Variants in COBL observed in about 807,000 individuals in gnomAD.
The protein encoded by COBL is protein cordon-bleu.
COBL carries 51 observed loss-of-function variants against 98.8 expected under a neutral mutation model. The ratio of observed to expected loss-of-function variants is 0.52; its 90% CI spans 0.41 to 0.65. The LOEUF is 0.65. Ranked by LOEUF, COBL falls within the 30% of genes least tolerant of loss-of-function variation. The probability of loss-of-function intolerance (pLI) is 0.00; values close to 1 mark genes in which losing one functional copy is unlikely to be tolerated. For missense variants in COBL, 1,617 were observed against 1,617.5 expected, an observed-to-expected ratio of 1.00 and a Z score of 0.01; for synonymous variants, 634 against 651.7, an observed-to-expected ratio of 0.97 and a Z score of 0.41.
intron 4 of COBL, among the ~76,000 whole-genome samples, chr7:51,188,116 TCTCAGGGCCACA>T (rs1228141293): frequency 6.6e-6 from 1 of 152,218 alleles, no homozygotes; most frequent in East Asian, 1.9e-4. Context: ...GGGCTGGCCC[TCTCAGGGCCACA>T]GCTGCATAGC....
chr7:51,241,576 A>G (rs755088242), intron 1 of COBL, among the ~76,000 whole-genome samples: 1 of 152,218 alleles, frequency 6.6e-6, no homozygotes, highest in Non-Finnish European at 1.5e-5. Context: ...AAGTTAATCT[A>G]TATTTTTTAA....
chr7:51,161,767 TA>T (rs1175010623), intron 5 of COBL, among the ~76,000 whole-genome samples: 2 of 152,148 alleles, frequency 1.3e-5, no homozygotes, highest in Non-Finnish European at 2.9e-5. Context: ...TTGGATTTTT[TA>T]AAAAACCAAG....
intron 8 of COBL, chr7:51,035,363 T>TG (rs1384790543): frequency 8.3e-6 from 1 of 120,376 alleles, no homozygotes; most frequent in Non-Finnish European, 1.6e-5. Flanking sequence ...GCAGAATTAA[T>TG]GAAAAAAAAA....
At chr7:51,163,574 T>A (rs1216585603) in intron 5 of COBL, among the ~76,000 whole-genome samples, 2 of 152,238 alleles carry the variant, frequency 1.3e-5, no homozygotes, top group Non-Finnish European at 2.9e-5. Flanking sequence ...CTTATTACTT[T>A]GATTCATAGG....
intron 1 of COBL, among the ~76,000 whole-genome samples, chr7:51,241,493 T>C (rs1373335329): frequency 2.0e-5 from 3 of 152,162 alleles, no homozygotes; most frequent in African/African-American, 7.2e-5. Flanking sequence ...AAGAAACCAA[T>C]GCTCCTCGGC....
chr7:51,227,903 C>A (rs1023946509), intron 1 of COBL, among the ~76,000 whole-genome samples: 2 of 152,124 alleles, frequency 1.3e-5, no homozygotes, highest in Non-Finnish European at 2.9e-5. Context: ...AACAGAAGAT[C>A]CAGATAAGTA....
chr7:51,038,919 G>T (rs1167261529), intron 8 of COBL, among the ~76,000 whole-genome samples: 1 of 152,218 alleles, frequency 6.6e-6, no homozygotes, highest in African/African-American at 2.4e-5. Flanking sequence ...CTACATCTTT[G>T]TCGTTTGCCA....
chr7:51,057,760 T>C (rs1219173598), intron 7 of COBL, among the ~76,000 whole-genome samples: 1 of 152,008 alleles, frequency 6.6e-6, no homozygotes, highest in African/African-American at 2.4e-5. Flanking sequence ...CCACCAACAC[T>C]CAAAATAACC....
chr7:51,089,021 C>G (rs1039117946), intron 6 of COBL, among the ~76,000 whole-genome samples: 1 of 152,100 alleles, frequency 6.6e-6, no homozygotes, highest in Non-Finnish European at 1.5e-5. Flanking sequence ...GGTGGGCAGG[C>G]AGGGGTATGG....
At chr7:51,161,667 A>G (rs1255923780) in intron 5 of COBL, among the ~76,000 whole-genome samples, 19 of 152,210 alleles carry the variant, frequency 1.2e-4, no homozygotes, top group Non-Finnish European at 1.5e-5. Flanking sequence ...CTCTTTTACC[A>G]GAAGAACTTT....
chr7:51,112,862 C>A (rs1796959158), intron 6 of COBL, among the ~76,000 whole-genome samples: 1 of 152,178 alleles, frequency 6.6e-6, no homozygotes, highest in African/African-American at 2.4e-5. Context: ...TTGATGCCAA[C>A]AGCTTCAGAC....
chr7:51,290,296 T>A (rs77726646), intron 1 of COBL, among the ~76,000 whole-genome samples: 10,661 of 152,258 alleles, frequency 0.07, 499 homozygotes, highest in Middle Eastern at 0.12. Context: ...CTAATTTGCA[T>A]TATTTTGAAA....
chr7:51,172,518 C>G (rs763526553), intron 5 of COBL: 2 of 1,287,664 alleles, frequency 1.6e-6, no homozygotes, highest in Admixed American at 2.3e-5. Context: ...CCCGACAGCA[C>G]GAGCTGCTCA....
At chr7:51,171,065 A>T (rs1787825016) in intron 5 of COBL, among the ~76,000 whole-genome samples, 5 of 152,154 alleles carry the variant, frequency 3.3e-5, no homozygotes, top group Admixed American at 3.3e-4. Flanking sequence ...AAATAAAATC[A>T]AATTTAAGAA....
At chr7:51,170,110 AT>A (rs1310881596) in intron 5 of COBL, among the ~76,000 whole-genome samples, 1 of 152,150 alleles carries the variant, frequency 6.6e-6, no homozygotes, top group Non-Finnish European at 1.5e-5. Flanking sequence ...TTCTGCTAGT[AT>A]TTATATGGTT....
intron 1 of COBL, among the ~76,000 whole-genome samples, chr7:51,288,025 G>A (rs1800533306): frequency 6.6e-6 from 1 of 152,114 alleles, no homozygotes; most frequent in African/African-American, 2.4e-5. Context: ...GAAAATGCTG[G>A]GGTGATGAAA....
chr7:51,065,974 C>T, intron 7 of COBL, among the ~76,000 whole-genome samples: 1 of 152,188 alleles, frequency 6.6e-6, no homozygotes, highest in East Asian at 1.9e-4. Flanking sequence ...GAAACCAACC[C>T]TGCCGACACT....
At chr7:51,021,562 A>C (rs1227900052) in intron 12 of COBL, among the ~76,000 whole-genome samples, 2 of 152,166 alleles carry the variant, frequency 1.3e-5, no homozygotes, top group Non-Finnish European at 2.9e-5. Context: ...TCCTGGCCTC[A>C]AGCAATCCTC....
intron 5 of COBL, among the ~76,000 whole-genome samples, chr7:51,168,656 T>C (rs1022647433): frequency 1.3e-5 from 2 of 152,164 alleles, no homozygotes; most frequent in Admixed American, 6.5e-5. Flanking sequence ...GGAACCCTCA[T>C]ACACTGTTGG....
Sources: allele counts gnomAD v4.1 joint callset (sites outside exome capture counted in the v4.1 genomes callset), GRCh38; gene constraint gnomAD v4.1.1; transcripts MANE v1.5; gene names NCBI Gene and HGNC (gene_info 2026-07-23, HGNC 2026-07-21).